Variants in FILIP1L observed in about 807,000 individuals in gnomAD.
The protein encoded by FILIP1L is filamin A-interacting protein 1-like.
A neutral mutation model predicts 96.6 loss-of-function variants in FILIP1L; 55 were observed. The observed-to-expected ratio is 0.57, with a 90% confidence interval of 0.46 to 0.71. The LOEUF (loss-of-function observed/expected upper bound fraction) is 0.71, where lower values mean the gene tolerates loss of function less well. Among genes scored for constraint, FILIP1L ranks in the 30% least tolerant of loss-of-function variants. The pLI is 0.00. For synonymous variants in FILIP1L, 467 were observed against 473.9 expected, an observed-to-expected ratio of 0.99 and a Z score of 0.19; for missense variants, 1,304 against 1,321.2, an observed-to-expected ratio of 0.99 and a Z score of 0.20.
intron 4 of FILIP1L, among the ~76,000 whole-genome samples, chr3:99,876,853 C>A (rs1705551366): frequency 6.6e-6 from 1 of 152,072 alleles, no homozygotes; most frequent in Non-Finnish European, 1.5e-5. Context: ...TTAAAACTAT[C>A]ATTTTTTGGC....
In FILIP1L at chr3:100,006,905, A is replaced by G. The variant is rs550175948; in HGVS notation, c.-10-75875T>C. 1.7e-4 allele frequency among the ~76,000 whole-genome samples: 26 copies of G among 152,348 alleles called. No homozygotes were observed. In the South Asian group the frequency reaches 5.4e-3, roughly 32 times the overall value. On this transcript the variant is annotated intron_variant, in intron 1 of 5. Coordinates refer to ENST00000477258, the MANE Select transcript of FILIP1L (RefSeq NM_001387850.1). ...TAAAATTGAACTATCTCTAATATGCATTGAGAAGGATAAAAAATAACTTGT... is the reference window on the plus strand; with the variant it reads ...TAAAATTGAACTATCTCTAATATGCGTTGAGAAGGATAAAAAATAACTTGT...
chr3:100,003,946 A>G (rs1709915092), intron 1 of FILIP1L, among the ~76,000 whole-genome samples: 1 of 152,330 alleles, frequency 6.6e-6, no homozygotes, highest in South Asian at 2.1e-4. Flanking sequence ...GTTGTATTCA[A>G]TGAGTCTATG....
intron 1 of FILIP1L, among the ~76,000 whole-genome samples, chr3:100,087,832 CTTTT>C (rs755041519): frequency 2.6e-5 from 3 of 114,118 alleles, no homozygotes; most frequent in African/African-American, 9.6e-5. Context: ...ATTGTTTCAA[CTTTT>C]TTTTTTTTTT....
intron 5 of FILIP1L, among the ~76,000 whole-genome samples, chr3:99,837,481 A>G (rs1241265354): frequency 1.3e-5 from 2 of 152,008 alleles, no homozygotes; most frequent in African/African-American, 4.8e-5. Context: ...AAAGGATAAT[A>G]ATGCATTTTT....
intron 1 of FILIP1L, among the ~76,000 whole-genome samples, chr3:100,060,706 C>T (rs115655875): frequency 0.012 from 1,839 of 151,770 alleles, 24 homozygotes; most frequent in African/African-American, 0.028. Flanking sequence ...AATAGAAAAA[C>T]ACAAGATTTA....
chr3:99,906,286 A>C (rs914506848), intron 4 of FILIP1L, among the ~76,000 whole-genome samples: 3 of 152,116 alleles, frequency 2.0e-5, no homozygotes, highest in African/African-American at 7.2e-5. Context: ...GATGATTTAT[A>C]ATGTTGAAAC....
At chr3:99,885,536 TA>T (rs1705864917) in intron 4 of FILIP1L, among the ~76,000 whole-genome samples, 1 of 152,254 alleles carries the variant, frequency 6.6e-6, no homozygotes, top group African/African-American at 2.4e-5. Context: ...CACAAGTTCA[TA>T]AACTTACTTT....
chr3:99,972,194 C>A lies in FILIP1L; in HGVS notation c.-10-41164G>T, dbSNP rs189928416. ...TCATTCAAACCAGTCTTTTTATGGG[C>A]TTAATAAATTTGATAAGGGAATAGG... On this transcript the variant is annotated intron_variant, in intron 1 of 5. Transcript: ENST00000477258. Among the ~76,000 whole-genome samples the A allele has an allele frequency of 2.6e-5, 4 of 152,034 alleles. No homozygotes were observed. In the East Asian group the frequency reaches 7.7e-4, roughly 29 times the overall value.
At chr3:100,001,353 C>T (rs906430947) in intron 1 of FILIP1L, among the ~76,000 whole-genome samples, 2 of 152,162 alleles carry the variant, frequency 1.3e-5, no homozygotes, top group South Asian at 2.1e-4. Context: ...TGAGTAGCTG[C>T]GACAGAGATC....
chr3:99,879,082 TTAC>T (rs1705633609), intron 4 of FILIP1L, among the ~76,000 whole-genome samples: 1 of 152,198 alleles, frequency 6.6e-6, no homozygotes. Context: ...AATCAGGAAT[TTAC>T]TACAAATAAG....
At chr3:99,974,761 C>A (rs903053906) in intron 1 of FILIP1L, among the ~76,000 whole-genome samples, 3 of 151,954 alleles carry the variant, frequency 2.0e-5, no homozygotes, top group Non-Finnish European at 2.9e-5. Flanking sequence ...GTGGAAAAAA[C>A]CTGTTGTTTG....
chr3:99,912,370 T>C (rs1350207238), intron 4 of FILIP1L, among the ~76,000 whole-genome samples: 1 of 152,146 alleles, frequency 6.6e-6, no homozygotes, highest in African/African-American at 2.4e-5. Context: ...ACAGGGCTGC[T>C]GCTTCTTTTT....
chr3:100,020,479 A>C (rs1186499541), intron 1 of FILIP1L, among the ~76,000 whole-genome samples: 1 of 152,204 alleles, frequency 6.6e-6, no homozygotes, highest in Non-Finnish European at 1.5e-5. Context: ...TGATTCATTT[A>C]GGCTCTAATC....
intron 4 of FILIP1L, among the ~76,000 whole-genome samples, chr3:99,900,441 C>G (rs767540781): frequency 1.3e-5 from 2 of 152,136 alleles, no homozygotes; most frequent in South Asian, 4.1e-4. Flanking sequence ...GATGAAGAAA[C>G]TGAGTCTCTA....
intron 1 of FILIP1L, among the ~76,000 whole-genome samples, chr3:99,941,611 G>T (rs1447495352): frequency 6.6e-6 from 1 of 152,120 alleles, no homozygotes; most frequent in South Asian, 2.1e-4. Flanking sequence ...TTATAATAAG[G>T]GAGATGAAAC....
chr3:100,105,426 G>A (rs150186112), intron 1 of FILIP1L, among the ~76,000 whole-genome samples: 25 of 152,076 alleles, frequency 1.6e-4, no homozygotes, highest in African/African-American at 4.1e-4. Flanking sequence ...ACTGCAATTC[G>A]TATCTAACAA....
At chr3:99,963,304 G>T (rs1329379409) in intron 1 of FILIP1L, among the ~76,000 whole-genome samples, 1 of 152,210 alleles carries the variant, frequency 6.6e-6, no homozygotes, top group Admixed American at 6.5e-5. Context: ...ATATATGCAG[G>T]TAAGTGCTTC....
At chr3:99,865,973 G>C (rs537106563) in intron 4 of FILIP1L, among the ~76,000 whole-genome samples, 1 of 151,818 alleles carries the variant, frequency 6.6e-6, no homozygotes, top group African/African-American at 2.4e-5. Context: ...TCTCTTCCCA[G>C]GTCACAGGTT....
chr3:99,997,443 C>G (rs1467245367), intron 1 of FILIP1L, among the ~76,000 whole-genome samples: 2 of 152,108 alleles, frequency 1.3e-5, no homozygotes, highest in African/African-American at 4.8e-5. Context: ...AGTGACAAAT[C>G]CAGATTTTGA....
Sources: allele counts gnomAD v4.1 joint callset (sites outside exome capture counted in the v4.1 genomes callset), GRCh38; gene constraint gnomAD v4.1.1; transcripts MANE v1.5; gene names NCBI Gene and HGNC (gene_info 2026-07-23, HGNC 2026-07-21).